CTNND2: variants seen among roughly 807,000 people sequenced by gnomAD.
CTNND2 encodes the protein catenin delta 2.
CTNND2 carries 22 observed loss-of-function variants against 144.4 expected under a neutral mutation model. The ratio of observed to expected loss-of-function variants is 0.15; its 90% CI spans 0.11 to 0.22. CTNND2 has a LOEUF of 0.22. CTNND2 is among the 10% of genes least tolerant of loss of function. CTNND2 has a pLI of 1.00. For missense variants in CTNND2, 1,353 were observed against 1,618.8 expected (o/e 0.84, Z 2.82); for synonymous variants, 751 against 695.6 (o/e 1.08, Z -1.25).
intron 18 of CTNND2, among the ~76,000 whole-genome samples, chr5:11,013,022 A>G (rs1003070013): frequency 1.9e-4 from 29 of 152,196 alleles, no homozygotes; most frequent in African/African-American, 7.0e-4. Context: ...GCATTTGGGA[A>G]AACAACAGAG....
intron 8 of CTNND2, among the ~76,000 whole-genome samples, chr5:11,352,336 A>G (rs1755411925): frequency 6.6e-6 from 1 of 152,200 alleles, no homozygotes; most frequent in African/African-American, 2.4e-5. Flanking sequence ...TTGAAAGCGA[A>G]TATGATGTAA....
At chr5:11,332,195 A>C (rs953116812) in intron 9 of CTNND2, among the ~76,000 whole-genome samples, 3 of 151,524 alleles carry the variant, frequency 2.0e-5, no homozygotes, top group Admixed American at 2.0e-4. Context: ...GAATCGCTTG[A>C]ACCTGGGAGG....
chr5:10,990,473 A>G (rs1276027429), intron 19 of CTNND2, among the ~76,000 whole-genome samples: 1 of 152,132 alleles, frequency 6.6e-6, no homozygotes, highest in Non-Finnish European at 1.5e-5. Context: ...TTGGTTCACC[A>G]TCTTTCTCTT....
intron 3 of CTNND2, among the ~76,000 whole-genome samples, chr5:11,422,842 A>G (rs1762479710): frequency 6.6e-6 from 1 of 152,238 alleles, no homozygotes. Flanking sequence ...TTATATTACA[A>G]GAGACACATT....
intron 1 of CTNND2, among the ~76,000 whole-genome samples, chr5:11,822,650 T>C (rs1214754502): frequency 6.6e-6 from 1 of 152,122 alleles, no homozygotes; most frequent in Non-Finnish European, 1.5e-5. Flanking sequence ...TCTCTAGTGC[T>C]GTTTGACTTT....
intron 1 of CTNND2, among the ~76,000 whole-genome samples, chr5:11,860,035 G>T (rs1795429912): frequency 6.6e-6 from 1 of 152,154 alleles, no homozygotes; most frequent in African/African-American, 2.4e-5. Flanking sequence ...TTTTACAACT[G>T]TCAATCATAT....
At chr5:11,281,424 A>G (rs1393833406) in intron 9 of CTNND2, among the ~76,000 whole-genome samples, 5 of 152,264 alleles carry the variant, frequency 3.3e-5, no homozygotes, top group Non-Finnish European at 5.9e-5. Context: ...GAATTTCATG[A>G]AGCAACAGCA....
At chr5:11,256,005 C>T (rs531840049) in intron 9 of CTNND2, among the ~76,000 whole-genome samples, 1 of 152,328 alleles carries the variant, frequency 6.6e-6, no homozygotes, top group South Asian at 2.1e-4. Flanking sequence ...GGACTTTGTT[C>T]CAGAACAGCC....
chr5:11,076,879 A>T (rs1277264147), intron 16 of CTNND2, among the ~76,000 whole-genome samples: 1 of 152,244 alleles, frequency 6.6e-6, no homozygotes, highest in African/African-American at 2.4e-5. Context: ...TCTACGAAGA[A>T]TTCTATTTTA....
intron 9 of CTNND2, among the ~76,000 whole-genome samples, chr5:11,250,522 T>A (rs758072335): frequency 0.34 from 41,274 of 120,614 alleles, 7,517 homozygotes; most frequent in African/African-American, 0.41. Flanking sequence ...TACATATATT[T>A]TTTTTTTTTT....
intron 9 of CTNND2, among the ~76,000 whole-genome samples, chr5:11,329,071 C>A (rs1752818961): frequency 6.6e-6 from 1 of 152,218 alleles, no homozygotes; most frequent in Non-Finnish European, 1.5e-5. Flanking sequence ...ATAACCACAT[C>A]TCTGACACCT....
chr5:11,337,089 T>C (rs911989875), intron 9 of CTNND2, among the ~76,000 whole-genome samples: 1 of 152,198 alleles, frequency 6.6e-6, no homozygotes, highest in Non-Finnish European at 1.5e-5. Flanking sequence ...AAATCTTCCT[T>C]TGATACCTTT....
At chr5:11,059,509 T>A (rs1337675294) in intron 16 of CTNND2, among the ~76,000 whole-genome samples, 1 of 152,208 alleles carries the variant, frequency 6.6e-6, no homozygotes, top group East Asian at 1.9e-4. Flanking sequence ...CTTTCTTTTC[T>A]AAATTGCCCA....
At chr5:11,608,900 G>A (rs569696321) in intron 2 of CTNND2, among the ~76,000 whole-genome samples, 3 of 152,222 alleles carry the variant, frequency 2.0e-5, no homozygotes, top group South Asian at 4.2e-4. Context: ...GATTTGATAG[G>A]ACTCTGCCTA....
chr5:11,141,440 G>C (rs900596419), intron 12 of CTNND2, among the ~76,000 whole-genome samples: 4 of 152,070 alleles, frequency 2.6e-5, no homozygotes, highest in Non-Finnish European at 5.9e-5. Flanking sequence ...GGTGAATAAA[G>C]GAGCCAAAGC....
intron 2 of CTNND2, among the ~76,000 whole-genome samples, chr5:11,716,675 G>GTTTA (rs112407519): frequency 0.018 from 2,713 of 151,210 alleles, 43 homozygotes; most frequent in African/African-American, 0.038. Context: ...TTACTTATTT[G>GTTTA]TTTATTTATT....
At chr5:11,050,640 C>T (rs1745735552) in intron 16 of CTNND2, among the ~76,000 whole-genome samples, 1 of 152,220 alleles carries the variant, frequency 6.6e-6, no homozygotes, top group Admixed American at 6.5e-5. Context: ...ACAACCTGAG[C>T]ATCCTGCCCA....
At chr5:11,257,134 C>A (rs1252696051) in intron 9 of CTNND2, among the ~76,000 whole-genome samples, 1 of 152,182 alleles carries the variant, frequency 6.6e-6, no homozygotes, top group African/African-American at 2.4e-5. Flanking sequence ...TTATTTCTTG[C>A]TAATAATATT....
intron 1 of CTNND2, among the ~76,000 whole-genome samples, chr5:11,892,573 TAAAAAG>T (rs1413651262): frequency 6.6e-6 from 1 of 150,746 alleles, no homozygotes; most frequent in Admixed American, 6.6e-5. Context: ...CTCTAAAGAA[TAAAAAG>T]AAAAAGGAAA....
Sources: gnomAD v4.1 joint callset for allele counts (sites outside exome capture counted in the v4.1 genomes callset) on GRCh38, gnomAD v4.1.1 for gene constraint, MANE v1.5 for transcripts, NCBI Gene and HGNC (gene_info 2026-07-23, HGNC 2026-07-21) for gene names.